AKAP10: variants seen among roughly 807,000 people sequenced by gnomAD.
AKAP10 encodes A-kinase anchor protein 10, mitochondrial.
Under a neutral mutation model 80.8 loss-of-function variants are expected in AKAP10, and 24 were observed. The observed-to-expected ratio is 0.30, with a 90% CI of 0.22 to 0.42. AKAP10 has a LOEUF of 0.42. AKAP10 is among the 10% of genes least tolerant of loss of function. The pLI, the probability that AKAP10 is intolerant of heterozygous loss-of-function variation, is 1.00. For missense variants in AKAP10, 661 were observed against 794.9 expected (o/e 0.83, Z 2.03); for synonymous variants, 291 against 277.7 (o/e 1.05, Z -0.48).
At chr17:19,976,069 T>C (rs1008009549) in intron 1 of AKAP10, among the ~76,000 whole-genome samples, 1 of 152,206 alleles carries the variant, frequency 6.6e-6, no homozygotes, top group African/African-American at 2.4e-5. Context: ...AATGGGCCTT[T>C]GGGAATCATC....
chr17:19,973,369 C>G (rs2043524095), intron 1 of AKAP10, among the ~76,000 whole-genome samples: 1 of 152,156 alleles, frequency 6.6e-6, no homozygotes, highest in South Asian at 2.1e-4. Context: ...TGACAGAAAC[C>G]ATATGGTCTG....
intron 12 of AKAP10, among the ~76,000 whole-genome samples, chr17:19,913,721 G>A (rs957071928): frequency 1.3e-5 from 2 of 152,160 alleles, no homozygotes; most frequent in African/African-American, 2.4e-5. Context: ...GAGTATCCTC[G>A]GAAGTAATCT....
intron 12 of AKAP10, among the ~76,000 whole-genome samples, chr17:19,914,156 T>C (rs1419795899): frequency 1.3e-5 from 2 of 152,088 alleles, no homozygotes; most frequent in African/African-American, 4.8e-5. Flanking sequence ...TGTGCCACCA[T>C]GCCCAGCTAA....
chr17:19,971,826 T>C (rs1478970778), intron 1 of AKAP10, among the ~76,000 whole-genome samples: 1 of 152,168 alleles, frequency 6.6e-6, no homozygotes, highest in Non-Finnish European at 1.5e-5. Context: ...ATTATGTGCA[T>C]TTTTTTCAGC....
intron 12 of AKAP10, among the ~76,000 whole-genome samples, chr17:19,911,998 T>C (rs950103347): frequency 2.0e-5 from 3 of 152,180 alleles, no homozygotes; most frequent in African/African-American, 7.2e-5. Context: ...GCCACTACAT[T>C]GGGCACGTGC....
intron 10 of AKAP10, 38 bp downstream of exon 10, chr17:19,931,767 T>A (rs764468681): frequency 8.9e-6 from 14 of 1,577,958 alleles, no homozygotes; most frequent in Non-Finnish European, 1.2e-5. Context: ...AGGATGTGTA[T>A]GCTTTTCTCC....
Position 19,939,767 on chromosome 17 carries a change from T to C in AKAP10, c.1268A>G (p.Lys423Arg), listed in dbSNP as rs777730000. ...DNFQSQLAAK[K>R]GQYDGQEAQN... is the part of the protein sequence containing the mutation. ...TGCCTCCTGTCCATCATATTGGCCC[T>C]TTTTGGCAGCAAGCTGAGACTGGAA... Residue 423 changes from lysine (K) to arginine (R), a missense_variant, in exon 8 of 15, where the codon AAG becomes AGG. By Grantham distance (26) the Lys-to-Arg change is conservative. Transcript: ENST00000225737. The C allele has an allele frequency of 5.6e-6, 9 of 1,613,604 alleles. No homozygotes were observed. The highest frequency in any genetic ancestry group is 7.6e-6 in the Non-Finnish European group (9 of 1,179,910).
chr17:19,963,231 T>TC (rs1161693579), intron 2 of AKAP10, among the ~76,000 whole-genome samples: 6 of 124,438 alleles, frequency 4.8e-5, no homozygotes, highest in Admixed American at 8.2e-5. Flanking sequence ...TTTTTTTTTT[T>TC]CCCAGACAGA....
At chr17:19,913,216 C>T (rs1292972329) in intron 12 of AKAP10, among the ~76,000 whole-genome samples, 1 of 146,348 alleles carries the variant, frequency 6.8e-6, no homozygotes, top group Non-Finnish European at 1.5e-5. Context: ...TTCAGCGGTG[C>T]AATCTCAGCT....
At position 19,939,814 on chromosome 17, in the gene AKAP10, T is replaced by C. The variant is rs2072336; in HGVS notation, c.1221A>G (p.Gln407=). Residue 407 remains glutamine (Q), a synonymous_variant, in exon 8 of 15, where the codon CAA becomes CAG. Coordinates refer to ENST00000225737, the MANE Select transcript of AKAP10 (RefSeq NM_007202.4). The stretch of plus-strand genomic sequence containing the variant: ...GGAAGTTATCTGCTGCCAACCAGAA[T>C]TGTAAGATATTCACTGCATCCTCTT... ...MEKEDAVNIL[Q]FWLAADNFQS... The C allele has an allele frequency of 1.6e-4, 259 of 1,613,988 alleles. 3 individuals carry two copies. The Admixed American group carries it at 3.0e-3, about 19-fold the overall frequency.
chr17:19,949,567 C>A (rs2043175083), intron 4 of AKAP10, among the ~76,000 whole-genome samples: 2 of 151,512 alleles, frequency 1.3e-5, no homozygotes, highest in African/African-American at 4.9e-5. Flanking sequence ...GTCAAGAAAT[C>A]GAGACCATCC....
chr17:19,950,668 C>A (rs757714585), intron 4 of AKAP10, among the ~76,000 whole-genome samples: 1 of 152,266 alleles, frequency 6.6e-6, no homozygotes, highest in Non-Finnish European at 1.5e-5. Context: ...ACAACCTCCA[C>A]TTCCCAGCCG....
chr17:19,970,485 C>G (rs923523331), intron 1 of AKAP10, among the ~76,000 whole-genome samples: 36 of 152,312 alleles, frequency 2.4e-4, no homozygotes, highest in African/African-American at 7.7e-4. Context: ...TCCTATGAAT[C>G]ACCACCTGAC....
chr17:19,938,727 TTTG>T (rs2043020660), intron 8 of AKAP10, among the ~76,000 whole-genome samples: 1 of 151,384 alleles, frequency 6.6e-6, no homozygotes, highest in Non-Finnish European at 1.5e-5. Flanking sequence ...ACAAATTACC[TTTG>T]TTGTTTTTTT....
At chr17:19,906,972 G>A (rs2042637475) in intron 14 of AKAP10, among the ~76,000 whole-genome samples, 1 of 151,942 alleles carries the variant, frequency 6.6e-6, no homozygotes, top group South Asian at 2.1e-4. Context: ...CACACTTACT[G>A]CCTAAAGTAA....
intron 10 of AKAP10, among the ~76,000 whole-genome samples, chr17:19,926,515 T>C (rs185654781): frequency 2.0e-3 from 311 of 152,260 alleles, no homozygotes; most frequent in Admixed American, 3.1e-3. Flanking sequence ...ATCTTATATA[T>C]TGAAAATCCT....
intron 6 of AKAP10, among the ~76,000 whole-genome samples, chr17:19,941,576 G>A (rs1214851069): frequency 1.3e-5 from 2 of 151,882 alleles, no homozygotes; most frequent in Non-Finnish European, 2.9e-5. Flanking sequence ...AATTATTTCA[G>A]AACTAAAAAC....
intron 11 of AKAP10, among the ~76,000 whole-genome samples, chr17:19,920,832 G>C (rs536671349): frequency 1.7e-5 from 2 of 119,562 alleles, no homozygotes; most frequent in African/African-American, 7.2e-5. Flanking sequence ...CTCCAGCCTG[G>C]GCAACAGAGC....
intron 12 of AKAP10, among the ~76,000 whole-genome samples, chr17:19,918,049 G>C (rs1033337511): frequency 3.3e-5 from 5 of 151,396 alleles, no homozygotes; most frequent in African/African-American, 1.2e-4. Flanking sequence ...GTGAAACCCT[G>C]TCTCTACTAA....
Sources: allele counts gnomAD v4.1 joint callset (sites outside exome capture counted in the v4.1 genomes callset), GRCh38; gene constraint gnomAD v4.1.1; transcripts MANE v1.5; gene names NCBI Gene and HGNC (gene_info 2026-07-23, HGNC 2026-07-21).